The following NSUN6 variants were observed in gnomAD, a reference collection of about 807,000 sequenced individuals.
NSUN6 encodes NOP2/Sun RNA methyltransferase 6, also known as tRNA (cytosine(72)-C(5))-methyltransferase NSUN6.
A neutral mutation model predicts 58.0 loss-of-function variants in NSUN6; 64 were observed. The observed-to-expected ratio is 1.10, with a 90% CI of 0.90 to 1.36. The LOEUF is 1.36. Among genes scored for constraint, NSUN6 ranks in the 40% most tolerant of loss-of-function variants. The pLI is 0.00. For synonymous variants in NSUN6, 231 were observed against 193.9 expected, an observed-to-expected ratio of 1.19 and a Z score of -1.59; for missense variants, 701 against 550.1, an observed-to-expected ratio of 1.27 and a Z score of -2.74.
chr10:18,552,422 G>T (rs2133413737), intron 8 of NSUN6, among the ~76,000 whole-genome samples: 1 of 152,252 alleles, frequency 6.6e-6, no homozygotes, highest in South Asian at 2.1e-4. Context: ...CCATGAGAAT[G>T]GCTATGGTCT....
At chr10:18,655,709 G>T (rs2059769721), upstream of NSUN6, among the ~76,000 whole-genome samples, 1 of 152,176 alleles carries the variant, frequency 6.6e-6, no homozygotes, top group Non-Finnish European at 1.5e-5. Context: ...TCAAGAAATT[G>T]AGTCAGCTTC....
chr10:18,594,742 C>A (rs2057518649), intron 7 of NSUN6, among the ~76,000 whole-genome samples: 1 of 152,094 alleles, frequency 6.6e-6, no homozygotes, highest in Admixed American at 6.6e-5. Flanking sequence ...GCATTGCTGC[C>A]CCACTGTGGC....
chr10:18,610,078 G>A (rs2058179027), intron 5 of NSUN6, 152 bp from the exon 6 acceptor site: 5 of 604,422 alleles, frequency 8.3e-6, no homozygotes, highest in Non-Finnish European at 1.2e-5. Flanking sequence ...CCAGCACTTT[G>A]GGAGGCAGAG....
intron 8 of NSUN6, among the ~76,000 whole-genome samples, chr10:18,581,140 G>A (rs887202608): frequency 6.6e-6 from 1 of 152,076 alleles, no homozygotes; most frequent in South Asian, 2.1e-4. Context: ...TCGCACTTGG[G>A]AGGGGAGCGT....
chr10:18,575,430 T>C (rs553523381), intron 8 of NSUN6, among the ~76,000 whole-genome samples: 102 of 152,312 alleles, frequency 6.7e-4, no homozygotes, highest in Non-Finnish European at 1.2e-3. Context: ...CCATTTCAAA[T>C]GCGACAGCCA....
At chr10:18,566,863 CTCCATTCCATT>C in intron 8 of NSUN6, among the ~76,000 whole-genome samples, 1 of 148,306 alleles carries the variant, frequency 6.7e-6, no homozygotes, top group African/African-American at 2.5e-5. Flanking sequence ...CTTTCCCATT[CTCCATTCCATT>C]CATTCCATTC....
At chr10:18,570,645 C>G (rs537177054) in intron 8 of NSUN6, among the ~76,000 whole-genome samples, 7 of 150,744 alleles carry the variant, frequency 4.6e-5, no homozygotes, top group Admixed American at 2.6e-4. Context: ...ATTCTCCATA[C>G]CATCATCCAT....
chr10:18,648,461 T>A, intron 2 of NSUN6, 29 bp downstream of exon 2: 1 of 1,496,918 alleles, frequency 6.7e-7, no homozygotes, highest in Non-Finnish European at 9.2e-7. Context: ...AATGTAATTA[T>A]GTACAAATGA....
chr10:18,635,535 T>C (rs2059183229), intron 3 of NSUN6, among the ~76,000 whole-genome samples: 1 of 152,082 alleles, frequency 6.6e-6, no homozygotes, highest in Non-Finnish European at 1.5e-5. Context: ...CTGTGTCTCA[T>C]CAAAAGCTAA....
At chr10:18,574,805 A>C (rs561969531) in intron 8 of NSUN6, among the ~76,000 whole-genome samples, 1 of 152,300 alleles carries the variant, frequency 6.6e-6, no homozygotes, top group South Asian at 2.1e-4. Context: ...CCTTGTTCAC[A>C]AGGAGCTAAT....
chr10:18,575,534 A>G (rs1359565785), intron 8 of NSUN6, among the ~76,000 whole-genome samples: 1 of 152,224 alleles, frequency 6.6e-6, no homozygotes, highest in Non-Finnish European at 1.5e-5. Context: ...TTCACCACAC[A>G]CATTATTAAA....
At chr10:18,559,435 T>C (rs986305042) in intron 8 of NSUN6, among the ~76,000 whole-genome samples, 2 of 145,488 alleles carry the variant, frequency 1.4e-5, no homozygotes, top group African/African-American at 5.1e-5. Context: ...GAATGGAGAA[T>C]GGAACAGAAT....
At chr10:18,637,876 T>C (rs2059269599) in intron 3 of NSUN6, among the ~76,000 whole-genome samples, 1 of 152,262 alleles carries the variant, frequency 6.6e-6, no homozygotes, top group African/African-American at 2.4e-5. Flanking sequence ...AATATTATCA[T>C]CTTTTCTATT....
At chr10:18,567,348 A>G (rs1272560083) in intron 8 of NSUN6, among the ~76,000 whole-genome samples, 4 of 144,502 alleles carry the variant, frequency 2.8e-5, no homozygotes, top group Non-Finnish European at 6.0e-5. Flanking sequence ...ATTCCATTCT[A>G]TTCTCCATTC....
chr10:18,621,416 C>T (rs1338767232), intron 3 of NSUN6, among the ~76,000 whole-genome samples: 1 of 152,140 alleles, frequency 6.6e-6, no homozygotes, highest in East Asian at 1.9e-4. Context: ...AATCACAGAA[C>T]CAAGGAATGG....
intron 8 of NSUN6, among the ~76,000 whole-genome samples, chr10:18,580,271 G>C (rs2056846260): frequency 6.6e-6 from 1 of 152,140 alleles, no homozygotes; most frequent in East Asian, 1.9e-4. Context: ...GTGCATTTGT[G>C]CCATGACCCG....
chr10:18,568,499 T>G (rs2056128325), intron 8 of NSUN6, among the ~76,000 whole-genome samples: 1 of 150,856 alleles, frequency 6.6e-6, no homozygotes. Context: ...CTCCATTCCA[T>G]TCCAAACCAT....
At chr10:18,616,877 G>A (rs1025595637) in intron 3 of NSUN6, among the ~76,000 whole-genome samples, 5 of 152,114 alleles carry the variant, frequency 3.3e-5, no homozygotes, top group African/African-American at 7.2e-5. Context: ...CCTTAACAAT[G>A]AGTCTCTAAT....
chr10:18,574,109 C>G (rs564721076), intron 8 of NSUN6, among the ~76,000 whole-genome samples: 9 of 152,176 alleles, frequency 5.9e-5, no homozygotes, highest in African/African-American at 2.2e-4. Context: ...AGTGCTGACT[C>G]AAGAACACGG....
Sources: gnomAD v4.1 joint callset for allele counts (sites outside exome capture counted in the v4.1 genomes callset) on GRCh38, gnomAD v4.1.1 for gene constraint, MANE v1.5 for transcripts, NCBI Gene and HGNC (gene_info 2026-07-23, HGNC 2026-07-21) for gene names.